Variants in FSHR observed in about 807,000 individuals in gnomAD.
The protein encoded by FSHR is follicle stimulating hormone receptor, also known as follicle-stimulating hormone receptor.
Under a neutral mutation model 52.1 loss-of-function variants are expected in FSHR, and 46 were observed. The ratio of observed to expected loss-of-function variants is 0.88; its 90% confidence interval spans 0.70 to 1.13. The LOEUF is 1.13. Among genes scored for constraint, FSHR ranks in the 50% most tolerant of loss-of-function variants. The pLI, the probability that FSHR is intolerant of heterozygous loss-of-function variation, is 0.00. For synonymous variants in FSHR, 399 were observed against 309.6 expected (o/e 1.29, Z -3.03); for missense variants, 964 against 834.6 (o/e 1.16, Z -1.91).
intron 9 of FSHR, among the ~76,000 whole-genome samples, chr2:48,964,958 T>G (rs886540270): frequency 2.0e-5 from 3 of 150,278 alleles, no homozygotes; most frequent in African/African-American, 7.4e-5. Flanking sequence ...GCTTGTGGAA[T>G]GGGAATAAGC....
chr2:48,979,758 G>A (rs985057264), intron 8 of FSHR, among the ~76,000 whole-genome samples: 1 of 151,892 alleles, frequency 6.6e-6, no homozygotes, highest in Non-Finnish European at 1.5e-5. Flanking sequence ...TGTACATTCT[G>A]AGAGCACCCT....
At chr2:49,050,132 A>G (rs910770707) in intron 2 of FSHR, among the ~76,000 whole-genome samples, 6 of 152,198 alleles carry the variant, frequency 3.9e-5, no homozygotes, top group Admixed American at 3.3e-4. Flanking sequence ...AGGAAATGAC[A>G]TAAGGATTTT....
chr2:49,131,729 T>A (rs1672287308), intron 1 of FSHR, among the ~76,000 whole-genome samples: 1 of 152,210 alleles, frequency 6.6e-6, no homozygotes, highest in African/African-American at 2.4e-5. Context: ...AATAGATAAT[T>A]CAGAGAAAAT....
intron 1 of FSHR, among the ~76,000 whole-genome samples, chr2:49,087,816 T>G (rs114644765): frequency 0.039 from 5,908 of 152,288 alleles, 163 homozygotes; most frequent in Middle Eastern, 0.058. Flanking sequence ...ACACACATTA[T>G]CTAAGTTTCT....
At chr2:48,979,205 G>A (rs1287204317) in intron 8 of FSHR, among the ~76,000 whole-genome samples, 2 of 152,054 alleles carry the variant, frequency 1.3e-5, no homozygotes, top group Non-Finnish European at 2.9e-5. Flanking sequence ...AGTGCTTTGG[G>A]AGTCCAAGGC....
At chr2:48,975,182 A>T (rs1195994778) in intron 8 of FSHR, among the ~76,000 whole-genome samples, 1 of 152,080 alleles carries the variant, frequency 6.6e-6, no homozygotes, top group Admixed American at 6.5e-5. Flanking sequence ...TGGATTGAGT[A>T]AGGAAGATAT....
chr2:48,964,008 C>T, intron 9 of FSHR, 42 bp from the exon 10 acceptor site: 1 of 1,578,890 alleles, frequency 6.3e-7, no homozygotes, highest in Non-Finnish European at 8.6e-7. Context: ...ATCTCAGATC[C>T]AGTATAGCAA....
At chr2:49,114,234 G>A (rs2103761330) in intron 1 of FSHR, among the ~76,000 whole-genome samples, 1 of 152,266 alleles carries the variant, frequency 6.6e-6, no homozygotes, top group Admixed American at 6.5e-5. Context: ...GCCTTTGCTG[G>A]CTTTCACACC....
intron 2 of FSHR, among the ~76,000 whole-genome samples, chr2:49,040,054 G>A (rs1277459): frequency 0.14 from 20,814 of 152,060 alleles, 1,797 homozygotes; most frequent in Non-Finnish European, 0.18. Flanking sequence ...TGGATCCACA[G>A]CTTGGAGAGT....
intron 1 of FSHR, among the ~76,000 whole-genome samples, chr2:49,099,670 C>A (rs1455628600): frequency 6.6e-6 from 1 of 151,868 alleles, no homozygotes; most frequent in Non-Finnish European, 1.5e-5. Flanking sequence ...CATGTGAAGA[C>A]ACAGAGACAC....
chr2:49,000,388 A>G (rs1666823952), intron 4 of FSHR, among the ~76,000 whole-genome samples: 1 of 152,166 alleles, frequency 6.6e-6, no homozygotes, highest in African/African-American at 2.4e-5. Flanking sequence ...AATGTAAAAA[A>G]ATAAATAAGT....
At chr2:48,974,083 G>C (rs1448949615) in intron 8 of FSHR, among the ~76,000 whole-genome samples, 1 of 152,188 alleles carries the variant, frequency 6.6e-6, no homozygotes, top group African/African-American at 2.4e-5. Flanking sequence ...CTAATTCTAA[G>C]GGGAGATGAA....
At chr2:49,111,826 T>A (rs926145068) in intron 1 of FSHR, among the ~76,000 whole-genome samples, 1 of 152,210 alleles carries the variant, frequency 6.6e-6, no homozygotes, top group African/African-American at 2.4e-5. Context: ...CTGCAATGTA[T>A]CTTTATCACC....
intron 1 of FSHR, among the ~76,000 whole-genome samples, chr2:49,127,767 TTCTTCTTCTTCTTCTTCTTCTTCTTC>T (rs1558456286): frequency 5.6e-5 from 2 of 35,494 alleles, no homozygotes; most frequent in African/African-American, 2.6e-4. Flanking sequence ...CTTCTTCTTC[TTCTTCTTCTTCTTCTTCTTCTTCTTC>T]TTCTTCTTCT....
chr2:49,128,886 G>A (rs1672161188), intron 1 of FSHR, among the ~76,000 whole-genome samples: 1 of 152,142 alleles, frequency 6.6e-6, no homozygotes, highest in East Asian at 1.9e-4. Flanking sequence ...AGAATAACAT[G>A]TAATGGTTCA....
intron 2 of FSHR, among the ~76,000 whole-genome samples, chr2:49,055,253 C>G (rs1669012829): frequency 6.6e-6 from 1 of 151,218 alleles, no homozygotes; most frequent in Non-Finnish European, 1.5e-5. Flanking sequence ...AAGGAACCAG[C>G]TGAGAGCTTC....
At chr2:49,056,060 ATAAG>A (rs1669051671) in intron 2 of FSHR, among the ~76,000 whole-genome samples, 2 of 152,078 alleles carry the variant, frequency 1.3e-5, no homozygotes, top group African/African-American at 4.8e-5. Flanking sequence ...ATAATTAAAA[ATAAG>A]AGAGGAAGTA....
At chr2:48,989,513 C>T (rs1466638884) in intron 5 of FSHR, among the ~76,000 whole-genome samples, 1 of 152,172 alleles carries the variant, frequency 6.6e-6, no homozygotes, top group Non-Finnish European at 1.5e-5. Flanking sequence ...AAACCCTGTG[C>T]TTAAGTGATC....
chr2:49,017,309 A>G (rs1293830975), intron 4 of FSHR, among the ~76,000 whole-genome samples, 180 bp downstream of exon 4: 4 of 152,184 alleles, frequency 2.6e-5, no homozygotes, highest in Non-Finnish European at 5.9e-5. Context: ...CAATTATGTT[A>G]GTAGAATTTG....
Sources: gnomAD v4.1 joint callset for allele counts (sites outside exome capture counted in the v4.1 genomes callset) on GRCh38, gnomAD v4.1.1 for gene constraint, MANE v1.5 for transcripts, NCBI Gene and HGNC (gene_info 2026-07-23, HGNC 2026-07-21) for gene names.